Variants in PLCXD3 observed in about 807,000 individuals in gnomAD.
PLCXD3 encodes PI-PLC X domain-containing protein 3.
PLCXD3 carries 19 observed loss-of-function variants against 25.5 expected under a neutral mutation model. The ratio of observed to expected loss-of-function variants is 0.75; its 90% CI spans 0.52 to 1.09. The LOEUF (loss-of-function observed/expected upper bound fraction) is 1.09. Among genes scored for constraint, PLCXD3 ranks in the 50% least tolerant of loss-of-function variants. PLCXD3 has a pLI of 0.00. For synonymous variants in PLCXD3, 174 were observed against 137.6 expected, an observed-to-expected ratio of 1.26 and a Z score of -1.85; for missense variants, 411 against 388.1, an observed-to-expected ratio of 1.06 and a Z score of -0.50.
chr5:41,392,847 T>C (rs1251787553), intron 1 of PLCXD3, among the ~76,000 whole-genome samples: 1 of 152,152 alleles, frequency 6.6e-6, no homozygotes, highest in Non-Finnish European at 1.5e-5. Context: ...TTCTATCAGA[T>C]AAATTCAACA....
intron 1 of PLCXD3, among the ~76,000 whole-genome samples, chr5:41,439,402 A>T (rs1374879316): frequency 6.6e-6 from 1 of 152,230 alleles, no homozygotes; most frequent in Non-Finnish European, 1.5e-5. Flanking sequence ...AGCCATTTTA[A>T]AAGTTCCATC....
At chr5:41,336,785 T>C (rs919615374) in intron 2 of PLCXD3, among the ~76,000 whole-genome samples, 1 of 152,194 alleles carries the variant, frequency 6.6e-6, no homozygotes, top group Non-Finnish European at 1.5e-5. Flanking sequence ...TCCTGCAGTC[T>C]TGGCTGAGGC....
chr5:41,371,693 A>G (rs180903563), intron 2 of PLCXD3, among the ~76,000 whole-genome samples: 6 of 152,228 alleles, frequency 3.9e-5, no homozygotes, highest in African/African-American at 1.4e-4. Context: ...ACGTTCAACT[A>G]CATGTTTGTG....
At position 41,437,993 on chromosome 5, in the gene PLCXD3, A is replaced by G. The variant is rs139803531; in HGVS notation, c.104-55459T>C. 1.7e-4 allele frequency among the ~76,000 whole-genome samples: 26 copies of G among 152,302 alleles called. No individual in the cohort carries two copies. In the East Asian group the frequency reaches 5.0e-3, roughly 29 times the overall value. ...CCTCTTGGAGCCATGTGTAATGCTT[A>G]TCATTGGAATATGACAAAAGTAATG... On this transcript the variant is annotated intron_variant, in intron 1 of 2. Coordinates refer to ENST00000377801, the MANE Select transcript of PLCXD3 (RefSeq NM_001005473.3).
At chr5:41,449,238 T>A (rs1747572664) in intron 1 of PLCXD3, among the ~76,000 whole-genome samples, 1 of 152,166 alleles carries the variant, frequency 6.6e-6, no homozygotes, top group Non-Finnish European at 1.5e-5. Context: ...CTCACTGATA[T>A]CCTCATAGCA....
chr5:41,363,376 T>C (rs1240209121), intron 2 of PLCXD3, among the ~76,000 whole-genome samples: 3 of 152,310 alleles, frequency 2.0e-5, no homozygotes, highest in Admixed American at 6.5e-5. Flanking sequence ...GATAATAATA[T>C]ATTTTTTTAA....
intron 2 of PLCXD3, among the ~76,000 whole-genome samples, chr5:41,346,786 A>G (rs192003386): frequency 1.3e-5 from 2 of 152,124 alleles, no homozygotes; most frequent in African/African-American, 4.8e-5. Context: ...TTCACTTATC[A>G]ATGTGCATTT....
chr5:41,319,125 T>C (rs1441290344), intron 2 of PLCXD3, among the ~76,000 whole-genome samples: 1 of 152,180 alleles, frequency 6.6e-6, no homozygotes, highest in East Asian at 1.9e-4. Flanking sequence ...AATAAGTATT[T>C]TTAGAGCTAA....
At chr5:41,466,873 C>T (rs1748028452) in intron 1 of PLCXD3, among the ~76,000 whole-genome samples, 1 of 152,062 alleles carries the variant, frequency 6.6e-6, no homozygotes, top group Admixed American at 6.6e-5. Flanking sequence ...CATACTGTCA[C>T]GAGTGACAGA....
intron 1 of PLCXD3, among the ~76,000 whole-genome samples, chr5:41,486,715 T>C (rs934286435): frequency 6.6e-6 from 1 of 152,192 alleles, no homozygotes; most frequent in Non-Finnish European, 1.5e-5. Flanking sequence ...TATGATGTAA[T>C]GGTCGAAAGA....
intron 1 of PLCXD3, among the ~76,000 whole-genome samples, chr5:41,476,399 G>A (rs953608210): frequency 7.2e-5 from 11 of 152,200 alleles, no homozygotes; most frequent in African/African-American, 2.7e-4. Flanking sequence ...TATGGTTTAT[G>A]ATGAATATCT....
chr5:41,496,064 A>G (rs548866011), intron 1 of PLCXD3, among the ~76,000 whole-genome samples: 1 of 152,288 alleles, frequency 6.6e-6, no homozygotes, highest in East Asian at 1.9e-4. Context: ...TGAAGAATGC[A>G]ATAACTGAAC....
intron 1 of PLCXD3, among the ~76,000 whole-genome samples, chr5:41,480,221 T>G (rs1402220586): frequency 6.6e-6 from 1 of 151,980 alleles, no homozygotes; most frequent in East Asian, 1.9e-4. Context: ...TCTAAACTCT[T>G]GATAAAAAAG....
chr5:41,497,133 T>G (rs1211501837), intron 1 of PLCXD3, among the ~76,000 whole-genome samples: 1 of 150,330 alleles, frequency 6.7e-6, no homozygotes, highest in African/African-American at 2.4e-5. Context: ...CAAATAAAGA[T>G]AACAATGGTG....
In PLCXD3 at chr5:41,392,742, A is replaced by G. The variant is rs545403066; in HGVS notation, c.104-10208T>C. Among the ~76,000 whole-genome samples, 382 of 150,906 alleles carry G rather than the reference A, an allele frequency of 2.5e-3. 9 individuals carry two copies. The highest frequency in any genetic ancestry group is 6.4e-4 in the South Asian group (3 of 4,660). ...AGGCACCAGGGACTAATCCTGGAGAAACAGAGATATGTGGCCTTTCAGATA... is the reference window on the plus strand; with the variant it reads ...AGGCACCAGGGACTAATCCTGGAGAGACAGAGATATGTGGCCTTTCAGATA... On this transcript the variant is annotated intron_variant, in intron 1 of 2. Coordinates refer to ENST00000377801, the MANE Select transcript of PLCXD3 (RefSeq NM_001005473.3).
chr5:41,348,677 G>A (rs2150480202), intron 2 of PLCXD3, among the ~76,000 whole-genome samples: 1 of 152,156 alleles, frequency 6.6e-6, no homozygotes, highest in Middle Eastern at 3.4e-3. Flanking sequence ...GTTTTAGATT[G>A]CAAGACCATC....
At chr5:41,437,682 C>T (rs1348617886) in intron 1 of PLCXD3, among the ~76,000 whole-genome samples, 1 of 152,106 alleles carries the variant, frequency 6.6e-6, no homozygotes, top group Non-Finnish European at 1.5e-5. Context: ...GAAGAAGAGT[C>T]GTAGGTCAGA....
At chr5:41,364,838 G>A (rs1309994229) in intron 2 of PLCXD3, among the ~76,000 whole-genome samples, 5 of 152,196 alleles carry the variant, frequency 3.3e-5, no homozygotes, top group Admixed American at 6.5e-5. Flanking sequence ...TTCATTTGAT[G>A]TGTACTTTTG....
chr5:41,338,788 T>A (rs1434188774), intron 2 of PLCXD3, among the ~76,000 whole-genome samples: 1 of 152,148 alleles, frequency 6.6e-6, no homozygotes, highest in Non-Finnish European at 1.5e-5. Context: ...AATACCCCCA[T>A]TTACTTTCCT....
Sources: allele counts gnomAD v4.1 joint callset (sites outside exome capture counted in the v4.1 genomes callset), GRCh38; gene constraint gnomAD v4.1.1; transcripts MANE v1.5; gene names NCBI Gene and HGNC (gene_info 2026-07-23, HGNC 2026-07-21).